Variants in SLC22A4 observed in about 807,000 individuals in gnomAD.
SLC22A4 encodes solute carrier family 22 member 4, also known as ET transporter.
Under a neutral mutation model 56.6 loss-of-function variants are expected in SLC22A4, and 39 were observed. That is an observed-to-expected ratio of 0.69 (90% confidence interval 0.53 to 0.90). The LOEUF (loss-of-function observed/expected upper bound fraction) is 0.90, where lower values mean the gene tolerates loss of function less well. Ranked by LOEUF, SLC22A4 falls within the 40% of genes least tolerant of loss-of-function variation. The pLI is 0.00. For missense variants in SLC22A4, 594 were observed against 696.5 expected, an observed-to-expected ratio of 0.85 and a Z score of 1.66; for synonymous variants, 241 against 281.4, an observed-to-expected ratio of 0.86 and a Z score of 1.44.
chr5:132,322,556 C>T (rs966376992), intron 4 of SLC22A4, among the ~76,000 whole-genome samples: 1 of 152,198 alleles, frequency 6.6e-6, no homozygotes. Flanking sequence ...TCCTAAAAAG[C>T]ACATTCTCAG....
rs754619304 is a variant in SLC22A4 at position 132,322,459 on chromosome 5, C to T, written c.824+104C>T. On this transcript the variant is annotated intron_variant, in intron 4 of 9. Coordinates refer to ENST00000200652, the MANE Select transcript of SLC22A4 (RefSeq NM_003059.3). ...CTAGCCTGGGCTTGCATGACCTCCA[C>T]GGAACTCGCGGAGGCCAGCTTCCAA... is the stretch of plus-strand genomic sequence containing the variant. The T allele has an allele frequency of 4.5e-4, 507 of 1,138,104 alleles. 1 individual carries two copies. The highest frequency in any genetic ancestry group is 6.2e-4 in the Non-Finnish European group (472 of 765,100). 70.5% of individuals were successfully genotyped at this position (1,138,104 alleles called of 1,614,324 possible).
At chr5:132,317,732 TAGTC>T (rs777600577) in intron 3 of SLC22A4, among the ~76,000 whole-genome samples, 4 of 152,228 alleles carry the variant, frequency 2.6e-5, no homozygotes, top group East Asian at 1.9e-4. Context: ...GTTTTCAAAA[TAGTC>T]AGCTGCGTAT....
Position 132,327,389 on chromosome 5 carries a change from T to G in SLC22A4, c.937T>G (p.Phe313Val). 1.2e-6 allele frequency: 2 copies of G among 1,612,930 alleles called. No individual in the cohort carries two copies. Among genetic ancestry groups the G allele is most frequent in the Non-Finnish European group, 1.7e-6 (2 of 1,178,906 alleles). ...CAACATAGCTGTACCAGCAGTGATA[T>G]TTGATTCTGTGGAGGTAAGCATTTG... ...MNNIAVPAVI[F>V]DSVEELNPLK... is the part of the protein sequence containing the mutation. Residue 313 changes from phenylalanine (F) to valine (V), a missense_variant, in exon 5 of 10, where the codon TTT (phenylalanine) becomes GTT (valine). Physicochemically the swap from Phe to Val is conservative, Grantham distance 50. Coordinates refer to ENST00000200652, the MANE Select transcript of SLC22A4 (RefSeq NM_003059.3).
At chr5:132,295,981 T>G (rs59302116) in intron 1 of SLC22A4, among the ~76,000 whole-genome samples, 3,266 of 152,252 alleles carry the variant, frequency 0.021, 72 homozygotes, top group African/African-American at 0.055. Context: ...GGACATCTGG[T>G]GTGTGGAGCC....
At chr5:132,315,340 G>A (rs1005291717) in intron 3 of SLC22A4, among the ~76,000 whole-genome samples, 8 of 152,148 alleles carry the variant, frequency 5.3e-5, no homozygotes, top group Admixed American at 3.3e-4. Context: ...AGAGAGTCAC[G>A]GTGAAGCCAG....
At chr5:132,313,520 AAAC>A in intron 2 of SLC22A4, 91 bp from the exon 3 acceptor site, 1 of 1,193,664 alleles carries the variant, frequency 8.4e-7, no homozygotes, top group East Asian at 2.3e-5. Context: ...AGCCCTGAAA[AAAC>A]ACTAAGTCTG....
At chr5:132,337,850 C>T (rs1751074309) in intron 8 of SLC22A4, among the ~76,000 whole-genome samples, 1 of 151,878 alleles carries the variant, frequency 6.6e-6, no homozygotes, top group African/African-American at 2.4e-5. Flanking sequence ...ATTCTCCTGC[C>T]TCAACCTCCT....
intron 1 of SLC22A4, 154 bp downstream of exon 1, chr5:132,295,163 A>C: frequency 4.5e-6 from 4 of 882,166 alleles, no homozygotes; most frequent in Non-Finnish European, 5.6e-6. Flanking sequence ...CACCCCAAGA[A>C]AGAATAGGAC....
intron 9 of SLC22A4, among the ~76,000 whole-genome samples, chr5:132,343,343 TAA>T (rs1751275750): frequency 6.6e-6 from 1 of 152,234 alleles, no homozygotes; most frequent in Non-Finnish European, 1.5e-5. Flanking sequence ...TTATAAAAGA[TAA>T]AGTGTTCCCA....
intron 2 of SLC22A4, 83 bp from the exon 3 acceptor site, chr5:132,313,531 C>A: frequency 7.9e-7 from 1 of 1,260,958 alleles, no homozygotes; most frequent in Non-Finnish European, 1.2e-6. Flanking sequence ...AACACTAAGT[C>A]TGCATTGATG....
chr5:132,298,652 A>T (rs1749833425), intron 1 of SLC22A4, among the ~76,000 whole-genome samples: 1 of 152,248 alleles, frequency 6.6e-6, no homozygotes, highest in African/African-American at 2.4e-5. Flanking sequence ...AAGAGAAGCC[A>T]CCTTATCTGA....
rs56259514 is a variant in SLC22A4 at position 132,308,372 on chromosome 5, A to ATTTT, written c.394-3755_394-3752dup. Among the ~76,000 whole-genome samples the ATTTT allele has an allele frequency of 2.3e-3, 143 of 61,324 alleles. 10 individuals carry two copies. Among genetic ancestry groups the ATTTT allele is most frequent in the Non-Finnish European group, 3.1e-3 (108 of 34,762 alleles). 40.2% of individuals were successfully genotyped at this position (61,324 alleles called of 152,430 possible). A position where few individuals can be genotyped will look rare whatever the true frequency, so the allele number is the denominator to read the frequency against. The stretch of plus-strand genomic sequence containing the variant: ...TGTCAGTTGAATCAATGATTAAGCA[A>ATTTT]TTTTTTTTTTTTTTTTTTTTTTTTT... On this transcript the variant is annotated intron_variant, in intron 1 of 9. Coordinates refer to ENST00000200652, the MANE Select transcript of SLC22A4 (RefSeq NM_003059.3).
chr5:132,329,319 G>A (rs553897934), intron 5 of SLC22A4, among the ~76,000 whole-genome samples: 1 of 152,104 alleles, frequency 6.6e-6, no homozygotes, highest in Admixed American at 6.5e-5. Flanking sequence ...GGGGGCTTGC[G>A]CTTTCCTGAG....
intron 1 of SLC22A4, among the ~76,000 whole-genome samples, chr5:132,296,579 C>T (rs1580816343): frequency 6.6e-6 from 1 of 152,232 alleles, no homozygotes; most frequent in African/African-American, 2.4e-5. Flanking sequence ...TTTGGATCCC[C>T]CAGCATTGGC....
intron 3 of SLC22A4, among the ~76,000 whole-genome samples, chr5:132,321,793 A>T (rs906760930): frequency 2.0e-5 from 3 of 152,102 alleles, no homozygotes; most frequent in Non-Finnish European, 4.4e-5. Flanking sequence ...CTGTAGTTCC[A>T]GCTGTTCGGA....
At chr5:132,333,005 A>G (rs272883) in intron 6 of SLC22A4, among the ~76,000 whole-genome samples, 107,342 of 152,114 alleles carry the variant, frequency 0.71, 38,433 homozygotes, top group African/African-American at 0.81. Flanking sequence ...TTCTATCTAA[A>G]CTACTCCTAT....
At chr5:132,343,442 A>G (rs1227109502) in intron 9 of SLC22A4, among the ~76,000 whole-genome samples, 1 of 152,234 alleles carries the variant, frequency 6.6e-6, no homozygotes, top group African/African-American at 2.4e-5. Flanking sequence ...CCCATTGTTG[A>G]TAAGTTGTTT....
intron 1 of SLC22A4, among the ~76,000 whole-genome samples, chr5:132,301,591 C>A (rs976402808): frequency 2.0e-5 from 3 of 152,194 alleles, no homozygotes; most frequent in Non-Finnish European, 4.4e-5. Flanking sequence ...CCACCCATAA[C>A]CCAGAGGCGA....
At position 132,294,833 on chromosome 5, in the gene SLC22A4, G is replaced by A. The variant is rs953362738; in HGVS notation, c.217G>A (p.Asp73Asn). The part of the protein sequence containing the change: ...RNNSVPLRLR[D>N]GREVPHSCSR... The stretch of plus-strand genomic sequence containing the variant: ...CAACAGTGTCCCGCTGCGGCTGCGG[G>A]ACGGCCGCGAGGTGCCCCACAGCTG... Residue 73 changes from aspartate to asparagine, a missense_variant, in exon 1 of 10, where the codon GAC (aspartate) becomes AAC (asparagine). Coordinates refer to ENST00000200652, the MANE Select transcript of SLC22A4 (RefSeq NM_003059.3). The surrounding 1 kb of genome is among the most constrained non-coding windows in gnomAD (Gnocchi z 5.6). The A allele has an allele frequency of 9.9e-6, 16 of 1,610,216 alleles. No homozygotes were observed. The highest frequency in any genetic ancestry group is 1.4e-5 in the Non-Finnish European group (16 of 1,178,834).
Sources: allele counts gnomAD v4.1 joint callset (sites outside exome capture counted in the v4.1 genomes callset), GRCh38; gene constraint gnomAD v4.1.1; non-coding constraint Gnocchi (gnomAD v3.1); transcripts MANE v1.5; gene names NCBI Gene and HGNC (gene_info 2026-07-23, HGNC 2026-07-21).